CDC42BPB: variants seen among roughly 807,000 people sequenced by gnomAD.
CDC42BPB encodes the protein CDC42 binding protein kinase beta.
Under a neutral mutation model 214.9 loss-of-function variants are expected in CDC42BPB, and 37 were observed. The observed-to-expected ratio is 0.17, with a 90% CI of 0.13 to 0.23. The LOEUF (loss-of-function observed/expected upper bound fraction) is 0.23, where lower values mean the gene tolerates loss of function less well. Ranked by LOEUF, CDC42BPB falls within the 10% of genes least tolerant of loss-of-function variation. CDC42BPB has a pLI of 1.00. For missense variants in CDC42BPB, 1,694 were observed against 2,227.0 expected (o/e 0.76, Z 4.82); for synonymous variants, 931 against 884.0 (o/e 1.05, Z -0.94).
intron 11 of CDC42BPB, among the ~76,000 whole-genome samples, chr14:102,975,053 C>T (rs796589997): frequency 4.6e-5 from 7 of 152,336 alleles, no homozygotes; most frequent in African/African-American, 1.7e-4. Context: ...GCACCTACAA[C>T]ACCAAGGAGC....
intron 36 of CDC42BPB, 91 bp downstream of exon 36, chr14:102,938,013 G>T: frequency 7.2e-7 from 1 of 1,394,590 alleles, no homozygotes; most frequent in Non-Finnish European, 1.0e-6. Context: ...CAAAAGGGCT[G>T]TGACACCACC....
At chr14:103,003,462 GACTAAGAGTCACCT>G (rs1895084137) in intron 4 of CDC42BPB, among the ~76,000 whole-genome samples, 1 of 152,192 alleles carries the variant, frequency 6.6e-6, no homozygotes, top group Non-Finnish European at 1.5e-5. Flanking sequence ...GCAGCGTGGA[GACTAAGAGTCACCT>G]AAAACCTGTC....
Position 102,943,772 on chromosome 14 carries a change from G to A in CDC42BPB, c.4408+119C>T, listed in dbSNP as rs1440381377. The stretch of plus-strand genomic sequence containing the variant: ...GGCTGGCATGGGGCCCACCTCTCCC[G>A]ATGCTCTGTGACTACTCAACTAAGG... On this transcript the variant is annotated intron_variant, in intron 30 of 36. Coordinates refer to ENST00000361246, the MANE Select transcript of CDC42BPB (RefSeq NM_006035.4). This position sits in a 1 kb window ranked among gnomAD's most constrained non-coding sequence, Gnocchi z 4.6. 4.6e-6 allele frequency: 4 copies of A among 876,648 alleles called. No individual in the cohort carries two copies. The highest frequency in any genetic ancestry group is 3.3e-4 in the Middle Eastern group (1 of 3,000). 54.3% of individuals were successfully genotyped at this position (876,648 alleles called of 1,614,324 possible).
intron 20 of CDC42BPB, among the ~76,000 whole-genome samples, chr14:102,960,081 C>A (rs35045068): frequency 0.25 from 37,515 of 151,864 alleles, 5,742 homozygotes; most frequent in Non-Finnish European, 0.34. Flanking sequence ...GTGGTATGTG[C>A]CTGAAATCCC....
intron 36 of CDC42BPB, among the ~76,000 whole-genome samples, chr14:102,935,201 C>T (rs1891596370): frequency 6.6e-6 from 1 of 151,874 alleles, no homozygotes; most frequent in Non-Finnish European, 1.5e-5. Flanking sequence ...CATGATTATA[C>T]ACGTAGAAAA....
chr14:102,983,332 C>T (rs1017884448), intron 7 of CDC42BPB, among the ~76,000 whole-genome samples: 3 of 152,088 alleles, frequency 2.0e-5, no homozygotes, highest in Non-Finnish European at 2.9e-5. Context: ...TCAGAACCTC[C>T]TTCCCCTTCC....
chr14:102,947,829 C>T, intron 26 of CDC42BPB, 27 bp from the exon 27 acceptor site: 7 of 1,611,780 alleles, frequency 4.3e-6, no homozygotes, highest in Non-Finnish European at 5.9e-6. Flanking sequence ...ATTGACCCCG[C>T]TGGGAGACAC....
Position 102,966,292 on chromosome 14 carries a change from G to T in CDC42BPB, c.2567C>A (p.Ser856Ter). The change falls in exon 18 of 37, where the codon TCA becomes TAA. Residue 856 changes from serine (S) to a stop codon, truncating the protein, a stop_gained. Coordinates refer to ENST00000361246, the MANE Select transcript of CDC42BPB (RefSeq NM_006035.4). LOFTEE classifies it high-confidence loss of function. ...TTACACAAAACCTACCAGTGTTCTT[G>T]ACCCCAGACTAGAACTCCTCAAAGC... ...LEALRSSSLG[S>*]RTLDPLWKVR... 6.2e-7 allele frequency: 1 copy of T among 1,613,172 alleles called. No individual in the cohort carries two copies. Among genetic ancestry groups the T allele is most frequent in the South Asian group, 1.1e-5 (1 of 91,018 alleles).
intron 20 of CDC42BPB, among the ~76,000 whole-genome samples, chr14:102,960,208 AAAAAAC>A (rs1333851177): frequency 9.9e-5 from 15 of 152,120 alleles, no homozygotes; most frequent in Non-Finnish European, 1.5e-4. Flanking sequence ...CTATCTCAAA[AAAAAAC>A]AAAAACAAAA....
chr14:102,954,611 C>T lies in CDC42BPB; in HGVS notation c.2979G>A (p.Glu993=). The T allele has an allele frequency of 6.2e-7, 1 of 1,613,590 alleles. No homozygotes were observed. Among genetic ancestry groups the T allele is most frequent in the Non-Finnish European group, 8.5e-7 (1 of 1,179,638 alleles). Residue 993 remains glutamate (E), a synonymous_variant, in exon 22 of 37, where the codon GAG becomes GAA. Transcript: ENST00000361246. ...GGCAACGCTGTCTCACCTCCTGCTG[C>T]TCTGATGCAGCCACAGACATCGACG... ...ASPSMSVAAS[E]QQEDMARPPQ... is the part of the protein sequence containing the mutation.
intron 21 of CDC42BPB, among the ~76,000 whole-genome samples, chr14:102,955,353 A>G (rs1193585115): frequency 6.6e-6 from 1 of 152,128 alleles, no homozygotes; most frequent in Non-Finnish European, 1.5e-5. Context: ...AACCCAGGAG[A>G]AGGTTGCAGT....
At chr14:102,966,037 TCTTAA>T in intron 18 of CDC42BPB, among the ~76,000 whole-genome samples, 1 of 152,238 alleles carries the variant, frequency 6.6e-6, no homozygotes, top group East Asian at 1.9e-4. Flanking sequence ...CAGAATCCAG[TCTTAA>T]CTTGACACCA....
intron 1 of CDC42BPB, among the ~76,000 whole-genome samples, chr14:103,040,093 G>A (rs965852407): frequency 2.0e-5 from 3 of 152,178 alleles, no homozygotes; most frequent in Non-Finnish European, 2.9e-5. Flanking sequence ...AGTGGCTCAC[G>A]CCTGTAATCC....
chr14:103,051,857 T>TC (rs985075647), intron 1 of CDC42BPB, among the ~76,000 whole-genome samples: 4 of 152,118 alleles, frequency 2.6e-5, no homozygotes, highest in African/African-American at 7.2e-5. Context: ...TTTTTGTTTT[T>TC]TTTTTGGAGA....
At chr14:103,015,883 A>ATT (rs1231998343) in intron 1 of CDC42BPB, among the ~76,000 whole-genome samples, 2 of 139,466 alleles carry the variant, frequency 1.4e-5, no homozygotes, top group African/African-American at 5.3e-5. Flanking sequence ...TAATTTTTGT[A>ATT]TTTTTTTTTT....
intron 14 of CDC42BPB, among the ~76,000 whole-genome samples, chr14:102,969,691 C>T (rs951368972): frequency 6.6e-6 from 1 of 152,252 alleles, no homozygotes; most frequent in African/African-American, 2.4e-5. Flanking sequence ...TCCCCACTCC[C>T]GCCCTCCGCG....
intron 1 of CDC42BPB, among the ~76,000 whole-genome samples, chr14:103,031,547 A>G (rs1348239810): frequency 6.6e-6 from 1 of 152,226 alleles, no homozygotes; most frequent in East Asian, 1.9e-4. Flanking sequence ...TAAAAATACA[A>G]GATTTATACT....
rs1196626669 is a variant in CDC42BPB at position 103,003,945 on chromosome 14, G to T, written c.430C>A (p.Gln144Lys). 1 of 1,610,240 alleles carries T rather than the reference G, an allele frequency of 6.2e-7. No individual in the cohort carries two copies. Among genetic ancestry groups the T allele is most frequent in the Non-Finnish European group, 8.5e-7 (1 of 1,177,622 alleles). The change falls in exon 4 of 37, where the codon CAG becomes AAG. Residue 144 changes from glutamine to lysine, a missense_variant. Physicochemically the swap from Gln to Lys is moderately conservative, Grantham distance 53. This residue lies in a region of CDC42BPB where 225 missense variants were observed against 459.3 expected (regional missense o/e 0.49). Coordinates refer to ENST00000361246, the MANE Select transcript of CDC42BPB (RefSeq NM_006035.4). ...CGACCTACCAGGTGGTTCTCGTCCT[G>T]AAAGGCGTAGTGCAGCGCGGTGATC... is the stretch of plus-strand genomic sequence containing the variant. ...QWITALHYAF[Q>K]DENHLYLVMD...
intron 1 of CDC42BPB, chr14:103,041,471 G>A: frequency 8.0e-7 from 1 of 1,252,012 alleles, no homozygotes; most frequent in Non-Finnish European, 1.1e-6. Flanking sequence ...AGGCAGCCAT[G>A]GCGCCCAGCC....
Sources: gnomAD v4.1 joint callset for allele counts (sites outside exome capture counted in the v4.1 genomes callset) on GRCh38, gnomAD v4.1.1 for gene constraint, gnomAD v4.1.1 regional missense constraint, Gnocchi (gnomAD v3.1) non-coding constraint, MANE v1.5 for transcripts, NCBI Gene and HGNC (gene_info 2026-07-23, HGNC 2026-07-21) for gene names.